RNF144B: variants seen among roughly 807,000 people sequenced by gnomAD.
RNF144B encodes ring finger protein 144B.
RNF144B carries 25 observed loss-of-function variants against 40.2 expected under a neutral mutation model. That is an observed-to-expected ratio of 0.62 (90% confidence interval 0.45 to 0.87). The LOEUF is 0.87. RNF144B is among the 40% of genes least tolerant of loss of function. The pLI, the probability that RNF144B is intolerant of heterozygous loss-of-function variation, is 0.00. For missense variants in RNF144B, 365 were observed against 373.7 expected (o/e 0.98, Z 0.19); for synonymous variants, 145 against 136.3 (o/e 1.06, Z -0.44).
rs938029812 is a variant in RNF144B at position 18,405,387 on chromosome 6, G to C, written c.165+5688G>C. On this transcript the variant is annotated intron_variant, in intron 2 of 7. Coordinates refer to ENST00000259939, the MANE Select transcript of RNF144B (RefSeq NM_182757.4). The surrounding 1 kb of genome is among the most constrained non-coding windows in gnomAD (Gnocchi z 4.5). Reference sequence around the variant, plus strand: ...AGTTGGGGTTTCACTATGTAGGTCAGGCTGGTCTTGAACTCCTGACCTCGT... The same window carrying C: ...AGTTGGGGTTTCACTATGTAGGTCACGCTGGTCTTGAACTCCTGACCTCGT... Among the ~76,000 whole-genome samples, 2 of 151,978 alleles carry C rather than the reference G, an allele frequency of 1.3e-5. No homozygotes were observed. The highest frequency in any genetic ancestry group is 1.5e-5 in the Non-Finnish European group (1 of 68,020).
intron 1 of RNF144B, among the ~76,000 whole-genome samples, chr6:18,391,882 A>G (rs921425146): frequency 6.8e-6 from 1 of 146,276 alleles, no homozygotes; most frequent in Non-Finnish European, 1.5e-5. Flanking sequence ...AAAAAGGAGC[A>G]GCAGTTTGCA....
Position 18,442,259 on chromosome 6 carries a change from A to C in RNF144B, c.331+2515A>C, listed in dbSNP as rs12197074. On this transcript the variant is annotated intron_variant, in intron 4 of 7. Transcript: ENST00000259939. The surrounding 1 kb of genome is among the most constrained non-coding windows in gnomAD (Gnocchi z 4.3). The stretch of plus-strand genomic sequence containing the variant: ...CTAGCTACAATTAAGTTGGGCAGGC[A>C]TCTGAGCCAGTCTATCTTTTTTAGG... Among the ~76,000 whole-genome samples the C allele has an allele frequency of 0.12, 19,015 of 152,266 alleles. 1,367 individuals are homozygous for C. The highest frequency in any genetic ancestry group is 0.19 in the Admixed American group (2,957 of 15,292).
Position 18,405,377 on chromosome 6 carries a change from A to G in RNF144B, c.165+5678A>G, listed in dbSNP as rs1053553711. Among the ~76,000 whole-genome samples, 1 of 151,870 alleles carries G rather than the reference A, an allele frequency of 6.6e-6. No individual in the cohort carries two copies. The highest frequency in any genetic ancestry group is 2.4e-5 in the African/African-American group (1 of 41,426). ...TTTTTAGTTGAGTTGGGGTTTCACT[A>G]TGTAGGTCAGGCTGGTCTTGAACTC... On this transcript the variant is annotated intron_variant, in intron 2 of 7. Transcript: ENST00000259939. This position sits in a 1 kb window ranked among gnomAD's most constrained non-coding sequence, Gnocchi z 4.5.
At chr6:18,455,030 A>G (rs1562058800) in intron 4 of RNF144B, among the ~76,000 whole-genome samples, 1 of 152,140 alleles carries the variant, frequency 6.6e-6, no homozygotes, top group Non-Finnish European at 1.5e-5. Context: ...GGAGTCTTTC[A>G]CTCTAAGTTA....
chr6:18,406,749 C>G lies in RNF144B; in HGVS notation c.165+7050C>G, dbSNP rs900281480. On this transcript the variant is annotated intron_variant, in intron 2 of 7. Coordinates refer to ENST00000259939, the MANE Select transcript of RNF144B (RefSeq NM_182757.4). This position sits in a 1 kb window ranked among gnomAD's most constrained non-coding sequence, Gnocchi z 4.2. ...CTTAATGGATTGGATGATGCCTGCT[C>G]GCAATGGGGAGGGTAAACTGCTTTA... Among the ~76,000 whole-genome samples the G allele has an allele frequency of 2.0e-5, 3 of 152,062 alleles. No homozygotes were observed. Among genetic ancestry groups the G allele is most frequent in the South Asian group, 2.1e-4 (1 of 4,812 alleles).
In RNF144B at chr6:18,406,099, T is replaced by C. The variant is rs1434666888; in HGVS notation, c.165+6400T>C. ...TGTGTCTTGCATAGTTCTGATGGTTTGAATATAGTGGTGAACGATCAGATT... is the reference window on the plus strand; with the variant it reads ...TGTGTCTTGCATAGTTCTGATGGTTCGAATATAGTGGTGAACGATCAGATT... On this transcript the variant is annotated intron_variant, in intron 2 of 7. Transcript: ENST00000259939. The surrounding 1 kb of genome is among the most constrained non-coding windows in gnomAD (Gnocchi z 4.2). 1 of 518,896 alleles carries C rather than the reference T, an allele frequency of 1.9e-6. No individual in the cohort carries two copies. Among genetic ancestry groups the C allele is most frequent in the African/African-American group, 1.9e-5 (1 of 51,966 alleles). The allele number at this position is 518,896 out of a possible 1,614,324, so 32.1% of individuals were successfully genotyped here.
At position 18,450,834 on chromosome 6, in the gene RNF144B, T is replaced by C. The variant is rs982421109; in HGVS notation, c.332-6321T>C. 3.9e-5 allele frequency among the ~76,000 whole-genome samples: 6 copies of C among 152,202 alleles called. No homozygotes were observed. Among genetic ancestry groups the C allele is most frequent in the Non-Finnish European group, 5.9e-5 (4 of 68,040 alleles). ...CAGCTTCTAAATGCTGCCTGCAAAG[T>C]TGCTACCTCAGGGATTTTTTAAAAA... On this transcript the variant is annotated intron_variant, in intron 4 of 7. Transcript: ENST00000259939. This position sits in a 1 kb window ranked among gnomAD's most constrained non-coding sequence, Gnocchi z 4.7.
At chr6:18,404,249 C>T (rs1189337447) in intron 2 of RNF144B, among the ~76,000 whole-genome samples, 1 of 152,194 alleles carries the variant, frequency 6.6e-6, no homozygotes, top group South Asian at 2.1e-4. Flanking sequence ...TGCCACTTTC[C>T]TATTTCTACC....
rs542199793 is a variant in RNF144B at position 18,441,088 on chromosome 6, A to G, written c.331+1344A>G. Among the ~76,000 whole-genome samples the G allele has an allele frequency of 1.3e-5, 2 of 152,156 alleles. No homozygotes were observed. Among genetic ancestry groups the G allele is most frequent in the African/African-American group, 2.4e-5 (1 of 41,450 alleles). On this transcript the variant is annotated intron_variant, in intron 4 of 7. Coordinates refer to ENST00000259939, the MANE Select transcript of RNF144B (RefSeq NM_182757.4). This position sits in a 1 kb window ranked among gnomAD's most constrained non-coding sequence, Gnocchi z 4.9. ...TCTGTGATAAGTTAATGATGGGGGT[A>G]GTTAATATTGACTCTCTCTAATCCA...
At position 18,410,867 on chromosome 6, in the gene RNF144B, T is replaced by C. The variant is rs779039434; in HGVS notation, c.165+11168T>C. Among the ~76,000 whole-genome samples the C allele has an allele frequency of 3.3e-5, 5 of 152,172 alleles. No individual in the cohort carries two copies. Among genetic ancestry groups the C allele is most frequent in the Non-Finnish European group, 7.3e-5 (5 of 68,028 alleles). On this transcript the variant is annotated intron_variant, in intron 2 of 7. Coordinates refer to ENST00000259939, the MANE Select transcript of RNF144B (RefSeq NM_182757.4). The surrounding 1 kb of genome is among the most constrained non-coding windows in gnomAD (Gnocchi z 4.6). ...AATGTCCTTATCAACTTAGGATACA[T>C]GTGTATGGCAGACTGCAGTTTTGAT...
intron 1 of RNF144B, among the ~76,000 whole-genome samples, chr6:18,394,326 G>T (rs1333640599): frequency 6.6e-6 from 1 of 152,186 alleles, no homozygotes; most frequent in African/African-American, 2.4e-5. Context: ...ATAGCTGGGT[G>T]TGGTGGCTTA....
In RNF144B at chr6:18,436,873, G is replaced by A. The variant is rs968574670; in HGVS notation, c.271-2811G>A. 2.7e-5 allele frequency among the ~76,000 whole-genome samples: 4 copies of A among 147,570 alleles called. No homozygotes were observed. The East Asian group carries it at 8.2e-4, about 30-fold the overall frequency. Reference sequence around the variant, plus strand: ...TTAGCTCCAAATGACAGTGGAACCAGGAATTTAACCTTTTGTATCATTTGT... The same window carrying A: ...TTAGCTCCAAATGACAGTGGAACCAAGAATTTAACCTTTTGTATCATTTGT... On this transcript the variant is annotated intron_variant, in intron 3 of 7. Transcript: ENST00000259939.
At position 18,446,675 on chromosome 6, in the gene RNF144B, C is replaced by T. The variant is rs1016331498; in HGVS notation, c.331+6931C>T. Among the ~76,000 whole-genome samples, 1 of 152,096 alleles carries T rather than the reference C, an allele frequency of 6.6e-6. No homozygotes were observed. The highest frequency in any genetic ancestry group is 1.5e-5 in the Non-Finnish European group (1 of 68,008). ...GGCATCTTGCTGGGTCAGTGATTGT[C>T]AGAGAAGGGTGAATGGATCTTCCAG... On this transcript the variant is annotated intron_variant, in intron 4 of 7. Coordinates refer to ENST00000259939, the MANE Select transcript of RNF144B (RefSeq NM_182757.4). The surrounding 1 kb of genome is among the most constrained non-coding windows in gnomAD (Gnocchi z 4.7).
intron 3 of RNF144B, among the ~76,000 whole-genome samples, chr6:18,431,324 A>G (rs1251947922): frequency 6.6e-6 from 1 of 152,258 alleles, no homozygotes; most frequent in Non-Finnish European, 1.5e-5. Flanking sequence ...GGTAATTGAT[A>G]ATCATTTTGA....
chr6:18,449,828 T>C (rs767643951), intron 4 of RNF144B, among the ~76,000 whole-genome samples: 1 of 152,174 alleles, frequency 6.6e-6, no homozygotes, highest in African/African-American at 2.4e-5. Flanking sequence ...ATGTAATATA[T>C]TAAGTATAGT....
chr6:18,393,119 C>CAAAAAAAA (rs10711336), intron 1 of RNF144B, among the ~76,000 whole-genome samples: 1 of 111,436 alleles, frequency 9.0e-6, no homozygotes, highest in Non-Finnish European at 1.9e-5. Context: ...GACTCCATCT[C>CAAAAAAAA]AAAAAAAAAA....
chr6:18,428,403 T>C (rs1008638025), intron 3 of RNF144B, among the ~76,000 whole-genome samples: 7 of 152,198 alleles, frequency 4.6e-5, no homozygotes, highest in Admixed American at 6.5e-5. Flanking sequence ...ATATAAACTA[T>C]TGTGATTCCA....
intron 4 of RNF144B, among the ~76,000 whole-genome samples, chr6:18,451,715 T>G (rs1759212580): frequency 6.6e-6 from 1 of 152,180 alleles, no homozygotes; most frequent in Non-Finnish European, 1.5e-5. Context: ...AGGATTTGAG[T>G]GGATAGGAAT....
At chr6:18,430,103 T>C (rs1478748703) in intron 3 of RNF144B, among the ~76,000 whole-genome samples, 1 of 152,210 alleles carries the variant, frequency 6.6e-6, no homozygotes, top group African/African-American at 2.4e-5. Context: ...CGGATTCCTG[T>C]ATTCTAGACC....
Sources: allele counts gnomAD v4.1 joint callset (sites outside exome capture counted in the v4.1 genomes callset), GRCh38; gene constraint gnomAD v4.1.1; non-coding constraint Gnocchi (gnomAD v3.1); transcripts MANE v1.5; gene names NCBI Gene and HGNC (gene_info 2026-07-23, HGNC 2026-07-21).